The following GPHN variants were observed in gnomAD, a reference collection of about 807,000 sequenced individuals.
The protein encoded by GPHN is gephyrin.
GPHN carries 17 observed loss-of-function variants against 95.5 expected under a neutral mutation model. The ratio of observed to expected loss-of-function variants is 0.18; its 90% CI spans 0.12 to 0.27. The LOEUF is 0.27. GPHN is among the 10% of genes least tolerant of loss of function. The probability of loss-of-function intolerance (pLI) is 1.00; values close to 1 mark genes in which losing one functional copy is unlikely to be tolerated. For synonymous variants in GPHN, 320 were observed against 322.5 expected, an observed-to-expected ratio of 0.99 and a Z score of 0.08; for missense variants, 660 against 978.1, an observed-to-expected ratio of 0.67 and a Z score of 4.34.
the GPHN span, among the ~76,000 whole-genome samples, chr14:67,341,392 G>A: frequency 2.6e-5 from 4 of 151,642 alleles, no homozygotes; most frequent in Non-Finnish European, 5.9e-5. Context: ...GAGCCCCTCC[G>A]CCCGGCAGCC....
At chr14:67,020,714 A>G (rs2073573748) in intron 9 of GPHN, among the ~76,000 whole-genome samples, 1 of 152,040 alleles carries the variant, frequency 6.6e-6, no homozygotes, top group African/African-American at 2.4e-5. Context: ...ATGTTATTTT[A>G]GTTTTGATTC....
the GPHN span, among the ~76,000 whole-genome samples, chr14:67,406,216 G>A: frequency 1.3e-5 from 2 of 148,252 alleles, no homozygotes; most frequent in Non-Finnish European, 3.0e-5. Context: ...CCAAGATGGC[G>A]CCACTGCACT....
Position 66,948,505 on chromosome 14 carries a change from C to T in GPHN, c.829-16686C>T, listed in dbSNP as rs182568584. ...ATTTTGTTGGATTCAGCCCATCAGT[C>T]TACTAAGAGGTCTTTTTAAAATTTA... On this transcript the variant is annotated intron_variant, in intron 8 of 22. Coordinates refer to ENST00000478722, the MANE Select transcript of GPHN (RefSeq NM_020806.5). Among the ~76,000 whole-genome samples, 3 of 152,188 alleles carry T rather than the reference C, an allele frequency of 2.0e-5. No individual in the cohort carries two copies. In the East Asian group the frequency reaches 5.8e-4, roughly 29 times the overall value.
At chr14:66,827,305 G>C (rs2061421657) in intron 4 of GPHN, among the ~76,000 whole-genome samples, 1 of 151,568 alleles carries the variant, frequency 6.6e-6, no homozygotes, top group African/African-American at 2.4e-5. Context: ...GGCGGGGTGA[G>C]GGGGGTGCAG....
chr14:67,557,247 A>G, the GPHN span: 16 of 1,610,296 alleles, frequency 9.9e-6, no homozygotes, highest in Non-Finnish European at 1.1e-5. Flanking sequence ...GGAAGACACT[A>G]TGAGATCATT....
At chr14:66,640,894 C>T (rs926682707) in intron 1 of GPHN, among the ~76,000 whole-genome samples, 3 of 152,106 alleles carry the variant, frequency 2.0e-5, no homozygotes, top group Non-Finnish European at 4.4e-5. Context: ...TCTGTTTTGT[C>T]CTAATTATAT....
intron 17 of GPHN, among the ~76,000 whole-genome samples, chr14:67,137,285 A>G (rs1168141745): frequency 6.6e-6 from 1 of 151,536 alleles, no homozygotes; most frequent in African/African-American, 2.4e-5. Flanking sequence ...AGCTGGGACT[A>G]CAGGTGCCCG....
At chr14:67,418,991 A>G in the GPHN span, among the ~76,000 whole-genome samples, 3 of 152,220 alleles carry the variant, frequency 2.0e-5, no homozygotes, top group Admixed American at 1.3e-4. Context: ...GCCACCCCCT[A>G]GAACTCAGCC....
intron 2 of GPHN, among the ~76,000 whole-genome samples, chr14:66,736,543 T>C (rs1735467657): frequency 6.6e-6 from 1 of 151,564 alleles, no homozygotes; most frequent in Non-Finnish European, 1.5e-5. Context: ...GGATTACAGG[T>C]GAGCACCACC....
At chr14:66,803,467 G>A (rs2060431702) in intron 3 of GPHN, among the ~76,000 whole-genome samples, 1 of 152,146 alleles carries the variant, frequency 6.6e-6, no homozygotes, top group Non-Finnish European at 1.5e-5. Flanking sequence ...GCAGGGGGTG[G>A]CGGAGGCAAC....
chr14:67,556,529 TCAA>T, the GPHN span, among the ~76,000 whole-genome samples: 2 of 152,132 alleles, frequency 1.3e-5, no homozygotes, highest in African/African-American at 2.4e-5. Context: ...TCCTCCTGCC[TCAA>T]CCTCCCAAAG....
At chr14:67,516,543 C>T in the GPHN span, among the ~76,000 whole-genome samples, 1 of 152,206 alleles carries the variant, frequency 6.6e-6, no homozygotes, top group East Asian at 1.9e-4. Flanking sequence ...TCCAGCTGCT[C>T]TTGCCCCATT....
chr14:67,185,165 A>G (rs78750115), downstream of GPHN, among the ~76,000 whole-genome samples: 25 of 152,368 alleles, frequency 1.6e-4, no homozygotes, highest in Non-Finnish European at 1.8e-4. Flanking sequence ...AAATAGTAGC[A>G]TGAACTGATA....
chr14:66,757,034 A>G (rs2058581596), intron 2 of GPHN, among the ~76,000 whole-genome samples: 1 of 152,200 alleles, frequency 6.6e-6, no homozygotes, highest in Admixed American at 6.5e-5. Flanking sequence ...TTATTTCATT[A>G]AAACCAATGC....
At chr14:66,830,493 G>A (rs994134788) in intron 4 of GPHN, among the ~76,000 whole-genome samples, 11 of 152,016 alleles carry the variant, frequency 7.2e-5, no homozygotes, top group African/African-American at 2.7e-4. Context: ...ATTTGAAACT[G>A]ACATTCTTAG....
chr14:66,791,306 CAG>C (rs758280382), intron 3 of GPHN, among the ~76,000 whole-genome samples: 3 of 152,196 alleles, frequency 2.0e-5, no homozygotes, highest in Non-Finnish European at 4.4e-5. Context: ...GCTGCCTGAA[CAG>C]GGTCCTGATC....
chr14:67,337,099 A>G, the GPHN span, among the ~76,000 whole-genome samples: 1 of 152,216 alleles, frequency 6.6e-6, no homozygotes, highest in African/African-American at 2.4e-5. Flanking sequence ...TGTGCCTCTT[A>G]TGGTTGTTGT....
chr14:67,124,307 A>G lies in GPHN; in HGVS notation c.1748+1930A>G, dbSNP rs530738461. 5.7e-4 allele frequency among the ~76,000 whole-genome samples: 86 copies of G among 152,184 alleles called. 1 individual carries two copies. The highest frequency in any genetic ancestry group is 3.3e-3 in the Admixed American group (50 of 15,292). On this transcript the variant is annotated intron_variant, in intron 17 of 22. Transcript: ENST00000478722. ...TGTAATCCCAGCTACTCGGGAGGCT[A>G]ACACAGGAGAATCACTTGAACCCGG...
intron 1 of GPHN, among the ~76,000 whole-genome samples, chr14:66,620,014 G>A (rs1429466699): frequency 1.3e-5 from 2 of 152,132 alleles, no homozygotes; most frequent in African/African-American, 4.8e-5. Context: ...TTGTCTAAGT[G>A]TTGGATATAT....
Sources: allele counts gnomAD v4.1 joint callset (sites outside exome capture counted in the v4.1 genomes callset), GRCh38; gene constraint gnomAD v4.1.1; transcripts MANE v1.5; gene names NCBI Gene and HGNC (gene_info 2026-07-23, HGNC 2026-07-21).